Variants in CNTN4 observed in about 807,000 individuals in gnomAD.
The protein encoded by CNTN4 is contactin-4.
A neutral mutation model predicts 122.5 loss-of-function variants in CNTN4; 77 were observed. The ratio of observed to expected loss-of-function variants is 0.63; its 90% CI spans 0.52 to 0.76. The LOEUF (loss-of-function observed/expected upper bound fraction) is 0.76. Ranked by LOEUF, CNTN4 falls within the 30% of genes least tolerant of loss-of-function variation. The probability of loss-of-function intolerance (pLI) is 0.00; values close to 1 mark genes in which losing one functional copy is unlikely to be tolerated. For missense variants in CNTN4, 1,256 were observed against 1,259.1 expected, an observed-to-expected ratio of 1.00 and a Z score of 0.04; for synonymous variants, 512 against 447.0, an observed-to-expected ratio of 1.15 and a Z score of -1.83.
At chr3:2,148,641 A>G (rs767067486) in intron 2 of CNTN4, among the ~76,000 whole-genome samples, 4 of 152,166 alleles carry the variant, frequency 2.6e-5, no homozygotes, top group Non-Finnish European at 5.9e-5. Flanking sequence ...GTAGGGTAAA[A>G]TTACCCAGTT....
intron 2 of CNTN4, among the ~76,000 whole-genome samples, chr3:2,161,389 C>T (rs1574968600): frequency 6.6e-6 from 1 of 151,876 alleles, no homozygotes; most frequent in African/African-American, 2.4e-5. Flanking sequence ...TCATGAAGAA[C>T]AAGTAGAGGA....
chr3:2,320,411 T>G (rs11711430), intron 2 of CNTN4, among the ~76,000 whole-genome samples: 18,779 of 152,196 alleles, frequency 0.12, 1,416 homozygotes, highest in Non-Finnish European at 0.17. Context: ...TTTGTGATTT[T>G]TATTTAAACC....
chr3:2,879,738 G>A (rs1346424184), intron 8 of CNTN4, among the ~76,000 whole-genome samples: 1 of 152,140 alleles, frequency 6.6e-6, no homozygotes, highest in African/African-American at 2.4e-5. Context: ...TCTTACTGGG[G>A]TAATGGAAAT....
At position 2,134,928 on chromosome 3, in the gene CNTN4, A is replaced by G. The variant is rs919804138; in HGVS notation, c.-145+34289A>G. Among the ~76,000 whole-genome samples, 31 of 152,178 alleles carry G rather than the reference A, an allele frequency of 2.0e-4. 1 individual carries two copies. Among genetic ancestry groups the G allele is most frequent in the Non-Finnish European group, 4.0e-4 (27 of 68,036 alleles). ...GATTCAAATGTTAACCTCATCCAAA[A>G]TATCCTCACAGACACACCCAGAAGT... On this transcript the variant is annotated intron_variant, in intron 2 of 24. Transcript: ENST00000418658.
chr3:2,846,161 T>C (rs2093452350), intron 7 of CNTN4, among the ~76,000 whole-genome samples: 1 of 152,230 alleles, frequency 6.6e-6, no homozygotes, highest in African/African-American at 2.4e-5. Context: ...TTCAACCCAG[T>C]TGATATGATT....
At chr3:2,860,890 A>G (rs2150770223) in intron 7 of CNTN4, among the ~76,000 whole-genome samples, 1 of 152,322 alleles carries the variant, frequency 6.6e-6, no homozygotes, top group Admixed American at 6.5e-5. Context: ...TTTATTGTGC[A>G]CAATCATCAG....
intron 3 of CNTN4, among the ~76,000 whole-genome samples, chr3:2,522,870 C>G (rs942293260): frequency 6.6e-6 from 1 of 151,994 alleles, no homozygotes; most frequent in Non-Finnish European, 1.5e-5. Context: ...ATCTTTGTCT[C>G]ACTGTATTGT....
At chr3:2,499,833 C>CT (rs1218720266) in intron 3 of CNTN4, among the ~76,000 whole-genome samples, 1 of 151,970 alleles carries the variant, frequency 6.6e-6, no homozygotes, top group East Asian at 1.9e-4. Flanking sequence ...AAATTGACAT[C>CT]TTTTTTACAT....
chr3:2,573,823 G>C (rs1405127277), intron 4 of CNTN4, among the ~76,000 whole-genome samples: 1 of 152,172 alleles, frequency 6.6e-6, no homozygotes, highest in South Asian at 2.1e-4. Flanking sequence ...GCCTTCTTCA[G>C]TGTAGGAAAG....
intron 17 of CNTN4, among the ~76,000 whole-genome samples, chr3:3,036,304 C>T (rs556313200): frequency 5.3e-5 from 8 of 152,186 alleles, no homozygotes; most frequent in African/African-American, 1.4e-4. Flanking sequence ...AAATGGGTTT[C>T]TGTGTTTCCT....
chr3:2,265,817 T>G (rs2041021296), intron 2 of CNTN4, among the ~76,000 whole-genome samples: 1 of 151,858 alleles, frequency 6.6e-6, no homozygotes. Flanking sequence ...TCCTAGAATT[T>G]TTTTTGTAGC....
chr3:2,887,018 T>C, intron 9 of CNTN4, 22 bp from the exon 10 acceptor site: 2 of 1,608,570 alleles, frequency 1.2e-6, no homozygotes, highest in East Asian at 4.5e-5. Flanking sequence ...TTTGATTCAC[T>C]CCTTTTTATT....
At chr3:2,173,380 C>A (rs1394552685) in intron 2 of CNTN4, among the ~76,000 whole-genome samples, 1 of 152,148 alleles carries the variant, frequency 6.6e-6, no homozygotes, top group Non-Finnish European at 1.5e-5. Context: ...TCTGAATGAT[C>A]AATTATTTTT....
intron 6 of CNTN4, among the ~76,000 whole-genome samples, chr3:2,763,254 C>G (rs142337923): frequency 2.0e-5 from 3 of 152,052 alleles, no homozygotes; most frequent in African/African-American, 2.4e-5. Context: ...TGATGTTGAG[C>G]TTTTTTATAT....
intron 17 of CNTN4, among the ~76,000 whole-genome samples, chr3:3,036,591 C>T (rs989594624): frequency 5.6e-5 from 8 of 142,458 alleles, no homozygotes; most frequent in Admixed American, 1.4e-4. Flanking sequence ...GGCGAAATCC[C>T]GTCTCTACTA....
chr3:2,652,327 G>A (rs2083399670), intron 4 of CNTN4, among the ~76,000 whole-genome samples: 1 of 152,144 alleles, frequency 6.6e-6, no homozygotes, highest in African/African-American at 2.4e-5. Context: ...CTTAGAAAGT[G>A]CCTAAATAAG....
In CNTN4 at chr3:2,111,625, A is replaced by G. The variant is rs1447326764; in HGVS notation, c.-145+10986A>G. On this transcript the variant is annotated intron_variant, in intron 2 of 24. Transcript: ENST00000418658. ...CAGTGATTCATATCCTGTCTCTACTACTTATGTATTTAGTATATATACAAA... is the reference window on the plus strand; with the variant it reads ...CAGTGATTCATATCCTGTCTCTACTGCTTATGTATTTAGTATATATACAAA... Among the ~76,000 whole-genome samples the G allele has an allele frequency of 5.3e-5, 8 of 152,272 alleles. No homozygotes were observed. The South Asian group carries it at 1.7e-3, about 32-fold the overall frequency.
intron 2 of CNTN4, among the ~76,000 whole-genome samples, chr3:2,190,477 G>C (rs1444467541): frequency 6.6e-6 from 1 of 151,918 alleles, no homozygotes; most frequent in Middle Eastern, 3.2e-3. Context: ...GGGCATAAAG[G>C]GTCTTTAGGA....
chr3:2,369,767 C>T (rs186247392), intron 3 of CNTN4, among the ~76,000 whole-genome samples: 11 of 152,198 alleles, frequency 7.2e-5, no homozygotes, highest in Admixed American at 2.6e-4. Flanking sequence ...AATTACAAAA[C>T]TTGTCAGAAA....
Sources: allele counts gnomAD v4.1 joint callset (sites outside exome capture counted in the v4.1 genomes callset), GRCh38; gene constraint gnomAD v4.1.1; transcripts MANE v1.5; gene names NCBI Gene and HGNC (gene_info 2026-07-23, HGNC 2026-07-21).